Variants in ZC3H4 observed in about 807,000 individuals in gnomAD.
ZC3H4 encodes zinc finger CCCH domain-containing protein 4.
A neutral mutation model predicts 108.3 loss-of-function variants in ZC3H4; 13 were observed. The observed-to-expected ratio is 0.12, with a 90% CI of 0.08 to 0.19. The LOEUF (loss-of-function observed/expected upper bound fraction) is 0.19. ZC3H4 is among the 10% of genes least tolerant of loss of function. The pLI, the probability that ZC3H4 is intolerant of heterozygous loss-of-function variation, is 1.00. For missense variants in ZC3H4, 1,734 were observed against 1,838.8 expected, an observed-to-expected ratio of 0.94 and a Z score of 1.04; for synonymous variants, 917 against 749.6, an observed-to-expected ratio of 1.22 and a Z score of -3.65.
intron 2 of ZC3H4, among the ~76,000 whole-genome samples, chr19:47,098,498 A>AC (rs1438017374): frequency 3.3e-5 from 5 of 150,778 alleles, no homozygotes; most frequent in Non-Finnish European, 7.4e-5. Flanking sequence ...AAAAAAAAAA[A>AC]AAAAAAACTA....
At chr19:47,069,500 G>GGCCCAT (rs2057288375) in intron 13 of ZC3H4, among the ~76,000 whole-genome samples, 157 bp from the exon 14 acceptor site, 1 of 152,186 alleles carries the variant, frequency 6.6e-6, no homozygotes, top group African/African-American at 2.4e-5. Flanking sequence ...GGAACAGAGC[G>GGCCCAT]GCCCATGGGT....
chr19:47,080,775 C>T (rs541224688), intron 11 of ZC3H4, among the ~76,000 whole-genome samples: 33 of 151,968 alleles, frequency 2.2e-4, no homozygotes, highest in African/African-American at 3.6e-4. Flanking sequence ...TGGGACTACA[C>T]GCATGTGCCA....
rs146177878 is a variant in ZC3H4 at position 47,096,993 on chromosome 19, G to T, written c.162-2385C>A. The T allele has an allele frequency of 2.4e-3, 2,348 of 985,378 alleles. 45 individuals are homozygous for T. In the African/African-American group the frequency reaches 0.038, roughly 16 times the overall value. 61.0% of individuals were successfully genotyped at this position (985,378 alleles called of 1,614,324 possible). On this transcript the variant is annotated intron_variant, in intron 2 of 14. Transcript: ENST00000253048. ...CTTCCCTGTCCTGATGCCACTCGCT[G>T]GCTCGGACGAAGGTACAGGCTACTC...
chr19:47,108,211 G>C (rs1306285995), intron 2 of ZC3H4, among the ~76,000 whole-genome samples: 1 of 152,018 alleles, frequency 6.6e-6, no homozygotes, highest in Non-Finnish European at 1.5e-5. Flanking sequence ...TACTTTGCTT[G>C]CTATTCACTC....
At chr19:47,111,416 C>T (rs2058037558) in intron 2 of ZC3H4, among the ~76,000 whole-genome samples, 1 of 152,200 alleles carries the variant, frequency 6.6e-6, no homozygotes, top group Non-Finnish European at 1.5e-5. Flanking sequence ...CCTGCCAAAG[C>T]ACAAGGAAAT....
chr19:47,075,356 C>T (rs1367772441), intron 11 of ZC3H4, among the ~76,000 whole-genome samples: 1 of 152,148 alleles, frequency 6.6e-6, no homozygotes, highest in Non-Finnish European at 1.5e-5. Context: ...CTGCTTTCAA[C>T]ACTGCCACGG....
At position 47,085,093 on chromosome 19, in the gene ZC3H4, A is replaced by G. The variant is rs771555234; in HGVS notation, c.1070T>C (p.Met357Thr). 6.2e-7 allele frequency: 1 copy of G among 1,614,176 alleles called. No individual in the cohort carries two copies. The highest frequency in any genetic ancestry group is 1.1e-5 in the South Asian group (1 of 91,078). Residue 357 changes from methionine to threonine, a missense_variant, in exon 8 of 15, where the codon ATG (methionine) becomes ACG (threonine). Coordinates refer to ENST00000253048, the MANE Select transcript of ZC3H4 (RefSeq NM_015168.2). ...GSRGGMNKGG[M>T]NDDEDFYDED... ...GTCATAGAAGTCTTCGTCATCGTTC[A>G]TTCCGCCCTTGTTCATCCCTCCTCG...
chr19:47,067,053 C>T lies in ZC3H4; in HGVS notation c.3215G>A (p.Arg1072Gln), dbSNP rs1318167367. Residue 1072 changes from arginine to glutamine, a missense_variant, in exon 15 of 15, where the codon CGG (arginine) becomes CAG (glutamine). Transcript: ENST00000253048. The surrounding 1 kb of genome is among the most constrained non-coding windows in gnomAD (Gnocchi z 6.4). ...PGSSDKPSDP[R>Q]VRKAPTDPRL... Reference sequence around the variant, plus strand: ...AGGGTCGGTGGGGGCCTTCCGCACCCGGGGGTCACTGGGTTTGTCGCTGGA... The same window carrying T: ...AGGGTCGGTGGGGGCCTTCCGCACCTGGGGGTCACTGGGTTTGTCGCTGGA... 2 of 1,607,080 alleles carry T rather than the reference C, an allele frequency of 1.2e-6. No homozygotes were observed. Among genetic ancestry groups the T allele is most frequent in the South Asian group, 1.1e-5 (1 of 90,300 alleles).
chr19:47,094,218 G>T, intron 3 of ZC3H4, 138 bp from the exon 4 acceptor site: 1 of 1,081,422 alleles, frequency 9.2e-7, no homozygotes, highest in Non-Finnish European at 1.4e-6. Context: ...GGGGCACTTA[G>T]TGGCAATGAA....
intron 5 of ZC3H4, among the ~76,000 whole-genome samples, chr19:47,088,463 G>A (rs866740362): frequency 2.6e-5 from 4 of 151,666 alleles, no homozygotes; most frequent in Non-Finnish European, 4.4e-5. Context: ...CAGGAGAATC[G>A]CTTGACCTCT....
At position 47,069,080 on chromosome 19, in the gene ZC3H4, G is replaced by A. The variant is rs1427794849; in HGVS notation, c.2398+12C>T. 1.2e-6 allele frequency: 2 copies of A among 1,602,178 alleles called. No homozygotes were observed. Among genetic ancestry groups the A allele is most frequent in the Non-Finnish European group, 1.7e-6 (2 of 1,179,852 alleles). On this transcript the variant is annotated intron_variant, in intron 14 of 14. Coordinates refer to ENST00000253048, the MANE Select transcript of ZC3H4 (RefSeq NM_015168.2). The stretch of plus-strand genomic sequence containing the variant: ...TGGGGCCTGTGCCCCGGCCCCTGGG[G>A]CGGACACGTGCCTTCCTCATTCTCC...
At chr19:47,082,012 A>C (rs971444424) in intron 10 of ZC3H4, among the ~76,000 whole-genome samples, 172 bp downstream of exon 10, 5 of 152,198 alleles carry the variant, frequency 3.3e-5, no homozygotes, top group African/African-American at 1.2e-4. Flanking sequence ...AAGGATGGGA[A>C]AGACAGACCC....
intron 11 of ZC3H4, among the ~76,000 whole-genome samples, chr19:47,074,203 G>T (rs1373614436): frequency 1.3e-5 from 2 of 152,172 alleles, no homozygotes; most frequent in African/African-American, 4.8e-5. Flanking sequence ...TCCCTCATTA[G>T]ATGTCAATTC....
chr19:47,069,836 G>T (rs1213188488), intron 13 of ZC3H4, among the ~76,000 whole-genome samples: 2 of 152,190 alleles, frequency 1.3e-5, no homozygotes, highest in African/African-American at 4.8e-5. Context: ...GAATGAAACG[G>T]GTCAAGTGCT....
chr19:47,096,099 C>T (rs1254937725), intron 2 of ZC3H4, among the ~76,000 whole-genome samples: 1 of 152,206 alleles, frequency 6.6e-6, no homozygotes, highest in Non-Finnish European at 1.5e-5. Flanking sequence ...ACCCAAACAT[C>T]AAGGAGCGCC....
intron 4 of ZC3H4, 144 bp from the exon 5 acceptor site, chr19:47,090,333 C>CAGAGGG: frequency 1.2e-6 from 1 of 845,448 alleles, no homozygotes; most frequent in Non-Finnish European, 1.8e-6. Flanking sequence ...TCTCCAGCCC[C>CAGAGGG]TCTGGGGACT....
intron 5 of ZC3H4, 50 bp from the exon 6 acceptor site, chr19:47,086,588 G>A: frequency 1.3e-6 from 2 of 1,520,424 alleles, no homozygotes; most frequent in South Asian, 1.3e-5. Context: ...GATGCCACCA[G>A]CAAGAAAGAA....
At chr19:47,109,897 G>A (rs2058015941) in intron 2 of ZC3H4, among the ~76,000 whole-genome samples, 1 of 152,140 alleles carries the variant, frequency 6.6e-6, no homozygotes, top group African/African-American at 2.4e-5. Context: ...GAAGTACAGT[G>A]TTTGGTTCTG....
intron 2 of ZC3H4, among the ~76,000 whole-genome samples, chr19:47,097,514 G>A (rs1360855270): frequency 2.6e-5 from 4 of 152,190 alleles, no homozygotes; most frequent in South Asian, 2.1e-4. Context: ...CGTCCTGCGT[G>A]AACACGAGGT....
Sources: allele counts gnomAD v4.1 joint callset (sites outside exome capture counted in the v4.1 genomes callset), GRCh38; gene constraint gnomAD v4.1.1; non-coding constraint Gnocchi (gnomAD v3.1); transcripts MANE v1.5; gene names NCBI Gene and HGNC (gene_info 2026-07-23, HGNC 2026-07-21).